GPC5: variants seen among roughly 807,000 people sequenced by gnomAD.
GPC5 encodes glypican 5.
In GPC5, 47 loss-of-function variants were observed where a neutral mutation model predicts 53.9. The observed-to-expected ratio is 0.87, with a 90% confidence interval of 0.69 to 1.11. The LOEUF (loss-of-function observed/expected upper bound fraction) is 1.11. Among genes scored for constraint, GPC5 ranks in the 50% most tolerant of loss-of-function variants. The pLI is 0.00. For missense variants in GPC5, 748 were observed against 713.1 expected, an observed-to-expected ratio of 1.05 and a Z score of -0.56; for synonymous variants, 286 against 263.3, an observed-to-expected ratio of 1.09 and a Z score of -0.84.
chr13:92,001,020 G>A (rs1332128772), intron 6 of GPC5, among the ~76,000 whole-genome samples: 1 of 152,126 alleles, frequency 6.6e-6, no homozygotes, highest in Admixed American at 6.5e-5. Context: ...CTGGCTCAGT[G>A]CCTGCCACAA....
chr13:91,443,600 C>A (rs138178526), intron 1 of GPC5, among the ~76,000 whole-genome samples: 2 of 152,186 alleles, frequency 1.3e-5, no homozygotes, highest in Non-Finnish European at 2.9e-5. Context: ...AGACTGTCAT[C>A]TGACAGATTT....
intron 7 of GPC5, among the ~76,000 whole-genome samples, chr13:92,738,556 G>A (rs1262225547): frequency 6.6e-6 from 1 of 152,042 alleles, no homozygotes; most frequent in Non-Finnish European, 1.5e-5. Context: ...TGCTGTCTGA[G>A]TGTGAAGGAA....
chr13:92,460,445 C>A (rs914760976), intron 7 of GPC5, among the ~76,000 whole-genome samples: 1 of 151,762 alleles, frequency 6.6e-6, no homozygotes, highest in Non-Finnish European at 1.5e-5. Flanking sequence ...TTTCTTTCTG[C>A]AAGGAAAAGT....
intron 7 of GPC5, among the ~76,000 whole-genome samples, chr13:92,782,048 G>C (rs1188444477): frequency 6.6e-6 from 1 of 151,174 alleles, no homozygotes; most frequent in Non-Finnish European, 1.5e-5. Context: ...GGAAAGGAAG[G>C]GAAGGGAAGT....
chr13:92,475,009 T>C (rs2139426081), intron 7 of GPC5, among the ~76,000 whole-genome samples: 2 of 152,190 alleles, frequency 1.3e-5, no homozygotes, highest in South Asian at 4.1e-4. Flanking sequence ...ATGAGTACAA[T>C]TAGTGCTTCC....
At chr13:92,368,733 T>C (rs1050599857) in intron 7 of GPC5, among the ~76,000 whole-genome samples, 3 of 152,080 alleles carry the variant, frequency 2.0e-5, no homozygotes, top group African/African-American at 7.2e-5. Context: ...TGTGATAGTT[T>C]TGAATAGTAC....
chr13:91,693,317 A>T lies in GPC5; in HGVS notation c.456A>T (p.Leu152Phe), dbSNP rs766646280. 1.2e-4 allele frequency: 186 copies of T among 1,613,884 alleles called. No homozygotes were observed. The highest frequency in any genetic ancestry group is 1.5e-4 in the Non-Finnish European group (179 of 1,179,994). ...TCTTCACTGATGTGGGGCTGTATTT[A>T]TTTGGTGCGGATGTTAATCCTGAAG... is the stretch of plus-strand genomic sequence containing the variant. ...QEFFTDVGLY[L>F]FGADVNPEEF... Residue 152 changes from leucine (L) to phenylalanine (F), a missense_variant, in exon 3 of 8, where the codon TTA (leucine) becomes TTT (phenylalanine). Leu to Phe is a conservative substitution (Grantham distance 22, BLOSUM62 0). Transcript: ENST00000377067.
intron 6 of GPC5, among the ~76,000 whole-genome samples, chr13:92,058,163 G>A (rs1053049195): frequency 6.6e-6 from 1 of 152,002 alleles, no homozygotes; most frequent in Non-Finnish European, 1.5e-5. Context: ...AATTAACAGA[G>A]GGTCTTTAGA....
intron 2 of GPC5, among the ~76,000 whole-genome samples, chr13:91,457,135 T>G (rs1412973875): frequency 6.6e-6 from 1 of 152,128 alleles, no homozygotes; most frequent in African/African-American, 2.4e-5. Context: ...TTACATTACT[T>G]GCCAGCTTTT....
chr13:92,238,693 T>C (rs1423893374), intron 7 of GPC5, among the ~76,000 whole-genome samples: 1 of 151,966 alleles, frequency 6.6e-6, no homozygotes, highest in East Asian at 1.9e-4. Context: ...TTTCCAAATA[T>C]TTTCTCCCTT....
chr13:92,708,012 G>A (rs1401039496), intron 7 of GPC5, among the ~76,000 whole-genome samples: 2 of 152,074 alleles, frequency 1.3e-5, no homozygotes, highest in African/African-American at 2.4e-5. Context: ...AAGTTTGTGA[G>A]CAAGGTAAGG....
At chr13:91,510,949 C>T (rs1232854346) in intron 2 of GPC5, among the ~76,000 whole-genome samples, 1 of 151,952 alleles carries the variant, frequency 6.6e-6, no homozygotes, top group East Asian at 1.9e-4. Flanking sequence ...TAACTAGATA[C>T]CAGTATTTTC....
chr13:92,234,551 AAATG>A (rs368484458), intron 7 of GPC5, among the ~76,000 whole-genome samples: 1 of 152,112 alleles, frequency 6.6e-6, no homozygotes, highest in Non-Finnish European at 1.5e-5. Flanking sequence ...ATTCTTGAAT[AAATG>A]AAAGACAAAA....
chr13:92,805,817 G>C (rs1477472403), intron 7 of GPC5, among the ~76,000 whole-genome samples: 1 of 151,998 alleles, frequency 6.6e-6, no homozygotes, highest in African/African-American at 2.4e-5. Context: ...CAGACATGCT[G>C]TCATACAAGC....
chr13:92,651,532 A>G (rs1885958710), intron 7 of GPC5, among the ~76,000 whole-genome samples: 1 of 152,150 alleles, frequency 6.6e-6, no homozygotes, highest in South Asian at 2.1e-4. Flanking sequence ...CAAAAGTGTC[A>G]CAGCCAAGAG....
intron 2 of GPC5, among the ~76,000 whole-genome samples, chr13:91,669,231 G>T (rs1477164185): frequency 1.3e-5 from 2 of 152,218 alleles, no homozygotes; most frequent in African/African-American, 4.8e-5. Flanking sequence ...ATGGTATAGA[G>T]TATGTGCATT....
At chr13:92,239,613 T>G (rs2139113243) in intron 7 of GPC5, among the ~76,000 whole-genome samples, 1 of 152,110 alleles carries the variant, frequency 6.6e-6, no homozygotes, top group South Asian at 2.1e-4. Context: ...TAAATCATTG[T>G]TTAAAAAGAC....
chr13:92,261,425 T>C (rs2042766123), intron 7 of GPC5, among the ~76,000 whole-genome samples: 1 of 152,086 alleles, frequency 6.6e-6, no homozygotes, highest in Non-Finnish European at 1.5e-5. Context: ...TACATAGTAA[T>C]TATTGGTGTT....
chr13:91,860,787 C>A (rs1449792228), intron 5 of GPC5, among the ~76,000 whole-genome samples: 1 of 152,164 alleles, frequency 6.6e-6, no homozygotes, highest in Non-Finnish European at 1.5e-5. Flanking sequence ...CAGGCATGAG[C>A]CGCCGTGCCC....
Sources: allele counts gnomAD v4.1 joint callset (sites outside exome capture counted in the v4.1 genomes callset), GRCh38; gene constraint gnomAD v4.1.1; transcripts MANE v1.5; gene names NCBI Gene and HGNC (gene_info 2026-07-23, HGNC 2026-07-21).